The following WDR59 variants were observed in gnomAD, a reference collection of about 807,000 sequenced individuals.
The protein encoded by WDR59 is GATOR2 complex protein WDR59.
WDR59 carries 100 observed loss-of-function variants against 131.2 expected under a neutral mutation model. The observed-to-expected ratio is 0.76, with a 90% CI of 0.65 to 0.90. The LOEUF (loss-of-function observed/expected upper bound fraction) is 0.90, where lower values mean the gene tolerates loss of function less well. WDR59 is among the 40% of genes least tolerant of loss of function. WDR59 has a pLI of 0.00. For synonymous variants in WDR59, 601 were observed against 466.2 expected, an observed-to-expected ratio of 1.29 and a Z score of -3.72; for missense variants, 1,203 against 1,262.2, an observed-to-expected ratio of 0.95 and a Z score of 0.71.
Position 74,908,825 on chromosome 16 carries a change from A to G in WDR59, c.1712+83T>C, listed in dbSNP as rs1965941334. ...GAAGAACTGAAATGCACTGTCCAAA[A>G]GCAAACTCAGTGGTCCTTCCCAGGT... On this transcript the variant is annotated intron_variant, in intron 17 of 25. Coordinates refer to ENST00000262144, the MANE Select transcript of WDR59 (RefSeq NM_030581.4). 4.2e-6 allele frequency: 5 copies of G among 1,179,626 alleles called. No individual in the cohort carries two copies. In the African/African-American group the frequency reaches 7.6e-5, roughly 18 times the overall value. 73.1% of individuals were successfully genotyped at this position (1,179,626 alleles called of 1,614,324 possible).
chr16:74,956,362 CT>C, intron 3 of WDR59, 112 bp downstream of exon 3: 1 of 1,379,356 alleles, frequency 7.2e-7, no homozygotes, highest in Non-Finnish European at 9.6e-7. Flanking sequence ...ATCCAAACCT[CT>C]TTTCCAAATG....
chr16:74,975,828 TCAC>T (rs1165328253), intron 1 of WDR59, among the ~76,000 whole-genome samples: 7 of 151,660 alleles, frequency 4.6e-5, no homozygotes, highest in African/African-American at 7.3e-5. Context: ...CTCCCATTCA[TCAC>T]CACATCTTTA....
chr16:74,884,691 T>A (rs1010052991), intron 25 of WDR59, among the ~76,000 whole-genome samples: 2 of 152,188 alleles, frequency 1.3e-5, no homozygotes, highest in Non-Finnish European at 2.9e-5. Context: ...CTGCCTGATA[T>A]AACCCTAAGT....
Position 74,917,936 on chromosome 16 carries a change from A to G in WDR59, c.959T>C (p.Met320Thr), listed in dbSNP as rs1454651235. The G allele has an allele frequency of 5.0e-6, 8 of 1,613,660 alleles. No individual in the cohort carries two copies. The Admixed American group carries it at 1.2e-4, about 24-fold the overall frequency. The change falls in exon 11 of 26, where the codon ATG becomes ACG. Residue 320 changes from methionine (M) to threonine (T), a missense_variant. Met to Thr is a moderately conservative substitution (Grantham distance 81). Coordinates refer to ENST00000262144, the MANE Select transcript of WDR59 (RefSeq NM_030581.4). ...ATAGCACTGCATACATACCCTCTGC[A>G]TCTGGGAATCCACCCGCCACATTCT... ...TLRMWRVDSQMQRLCANDILD... is the reference protein window; with the variant it reads ...TLRMWRVDSQTQRLCANDILD...
At position 74,899,809 on chromosome 16, in the gene WDR59, A is replaced by G. The variant is rs550580265; in HGVS notation, c.1866+4138T>C. The G allele has an allele frequency of 5.9e-6, 7 of 1,187,016 alleles. No homozygotes were observed. The Admixed American group carries it at 1.4e-4, about 24-fold the overall frequency. 73.5% of individuals were successfully genotyped at this position (1,187,016 alleles called of 1,614,324 possible). A position where few individuals can be genotyped will look rare whatever the true frequency, so the allele number is the denominator to read the frequency against. On this transcript the variant is annotated intron_variant, in intron 18 of 25. Coordinates refer to ENST00000262144, the MANE Select transcript of WDR59 (RefSeq NM_030581.4). Reference sequence around the variant, plus strand: ...AGGGAAGAAAAACACCAAGAAAATTAAAAGGGAAAAATATAGAATAAAATG... The same window carrying G: ...AGGGAAGAAAAACACCAAGAAAATTGAAAGGGAAAAATATAGAATAAAATG...
At chr16:74,892,636 A>C in intron 19 of WDR59, 71 bp from the exon 20 acceptor site, 1 of 1,264,898 alleles carries the variant, frequency 7.9e-7, no homozygotes. Context: ...TCCCAGTTTA[A>C]CAGACAGATG....
rs1340681615 is a variant in WDR59, at chr16:74,923,915, G to GA, written c.729+10_729+11insT. 10 of 1,612,150 alleles carry GA rather than the reference G, an allele frequency of 6.2e-6. No homozygotes were observed. Among genetic ancestry groups the GA allele is most frequent in the Non-Finnish European group, 8.5e-6 (10 of 1,179,316 alleles). On this transcript the variant is annotated intron_variant, in intron 9 of 25. Transcript: ENST00000262144. ...GAAGTTTCTTATCAAGAGGCAGGGTGGCTCACTCACTGTGTATCTGGCCTT... is the reference window on the plus strand; with the variant it reads ...GAAGTTTCTTATCAAGAGGCAGGGTGAGCTCACTCACTGTGTATCTGGCCTT...
intron 10 of WDR59, among the ~76,000 whole-genome samples, chr16:74,921,171 T>G (rs2030184607): frequency 6.6e-6 from 1 of 152,194 alleles, no homozygotes; most frequent in Non-Finnish European, 1.5e-5. Context: ...GGGGGTTTGT[T>G]GTACAGATTA....
At chr16:74,944,379 T>C (rs2032451502) in intron 6 of WDR59, among the ~76,000 whole-genome samples, 1 of 151,404 alleles carries the variant, frequency 6.6e-6, no homozygotes, top group South Asian at 2.1e-4. Context: ...GGCAGGAGAA[T>C]TGCTTGAACC....
chr16:74,947,150 T>G (rs987874326), intron 6 of WDR59, among the ~76,000 whole-genome samples: 5 of 152,182 alleles, frequency 3.3e-5, no homozygotes, highest in African/African-American at 9.7e-5. Context: ...GGTTCATCCA[T>G]GTTAAACAAC....
At chr16:74,875,909 G>A (rs1964189543) in intron 25 of WDR59, among the ~76,000 whole-genome samples, 1 of 152,048 alleles carries the variant, frequency 6.6e-6, no homozygotes, top group South Asian at 2.1e-4. Context: ...ACCTAGCCCT[G>A]CGCGGAGCCT....
At chr16:74,980,444 C>T (rs1303853961) in intron 1 of WDR59, among the ~76,000 whole-genome samples, 2 of 149,334 alleles carry the variant, frequency 1.3e-5, no homozygotes, top group African/African-American at 5.0e-5. Context: ...ACCTCCGCCT[C>T]CCAGGTTCAA....
chr16:74,931,225 C>T (rs1180467222), intron 8 of WDR59, among the ~76,000 whole-genome samples: 1 of 152,018 alleles, frequency 6.6e-6, no homozygotes, highest in Non-Finnish European at 1.5e-5. Flanking sequence ...ATATGAATTA[C>T]AGGAGTTATC....
chr16:74,923,804 T>C (rs1179618186), intron 9 of WDR59, 122 bp downstream of exon 9: 1 of 913,646 alleles, frequency 1.1e-6, no homozygotes, highest in Non-Finnish European at 1.7e-6. Flanking sequence ...GTCCCACCAC[T>C]AAACCAACAG....
At chr16:74,947,907 TA>T (rs1290809823) in intron 6 of WDR59, among the ~76,000 whole-genome samples, 1 of 152,034 alleles carries the variant, frequency 6.6e-6, no homozygotes, top group Non-Finnish European at 1.5e-5. Flanking sequence ...CTGTGTCTAC[TA>T]AAAATACAAA....
In WDR59 at chr16:74,874,286, T is replaced by C. The variant is rs1399981791; in HGVS notation, c.2848A>G (p.Met950Val). The C allele has an allele frequency of 2.5e-6, 4 of 1,614,058 alleles. No individual in the cohort carries two copies. In the African/African-American group the frequency reaches 4.0e-5, roughly 16 times the overall value. Residue 950 changes from methionine to valine, a missense_variant, in exon 26 of 26, where the codon ATG (methionine) becomes GTG (valine). Transcript: ENST00000262144. ...TCGHGGHTSHMMEWFRTQEVC... is the reference protein window; with the variant it reads ...TCGHGGHTSHVMEWFRTQEVC... ...TCCTGGGTCCGAAACCACTCCATCA[T>C]GTGGCTGGTGTGGCCACCGTGCCCA...
At chr16:74,929,354 C>G (rs928416568) in intron 8 of WDR59, among the ~76,000 whole-genome samples, 6 of 152,112 alleles carry the variant, frequency 3.9e-5, no homozygotes, top group African/African-American at 1.4e-4. Flanking sequence ...GGATTATAGG[C>G]GTGAGCCACT....
chr16:74,884,254 A>G (rs1964650006), intron 25 of WDR59, among the ~76,000 whole-genome samples: 1 of 152,164 alleles, frequency 6.6e-6, no homozygotes, highest in Non-Finnish European at 1.5e-5. Context: ...CTTTCCTCGT[A>G]GGAAGGCCAC....
rs575687259 is a variant in WDR59, at chr16:74,938,573, G to A, written c.535-307C>T. On this transcript the variant is annotated intron_variant, in intron 7 of 25. Coordinates refer to ENST00000262144, the MANE Select transcript of WDR59 (RefSeq NM_030581.4). The stretch of plus-strand genomic sequence containing the variant: ...GTTTTTTGAGACGAAGTCTTGCTCT[G>A]TCACCCAGGTTGGAGTGCAGTGGCA... Among the ~76,000 whole-genome samples the A allele has an allele frequency of 1.7e-3, 253 of 152,234 alleles. 8 individuals carry two copies. In the South Asian group the frequency reaches 0.051, roughly 30 times the overall value.
Sources: gnomAD v4.1 joint callset for allele counts (sites outside exome capture counted in the v4.1 genomes callset) on GRCh38, gnomAD v4.1.1 for gene constraint, MANE v1.5 for transcripts, NCBI Gene and HGNC (gene_info 2026-07-23, HGNC 2026-07-21) for gene names.